Variants in LDLRAD3 observed in about 807,000 individuals in gnomAD.
LDLRAD3 encodes the protein low density lipoprotein receptor class A domain containing 3, also known as low-density lipoprotein receptor class A domain-containing protein 3.
LDLRAD3 carries 20 observed loss-of-function variants against 29.4 expected under a neutral mutation model. That is an observed-to-expected ratio of 0.68 (90% confidence interval 0.48 to 0.99). The LOEUF is 0.99. Among genes scored for constraint, LDLRAD3 ranks in the 50% least tolerant of loss-of-function variants. The probability of loss-of-function intolerance (pLI) is 0.00; values close to 1 mark genes in which losing one functional copy is unlikely to be tolerated. For missense variants in LDLRAD3, 420 were observed against 454.3 expected, an observed-to-expected ratio of 0.92 and a Z score of 0.69; for synonymous variants, 157 against 192.7, an observed-to-expected ratio of 0.81 and a Z score of 1.53.
chr11:36,102,959 C>A (rs923536453), intron 4 of LDLRAD3, among the ~76,000 whole-genome samples: 25 of 152,072 alleles, frequency 1.6e-4, no homozygotes, highest in African/African-American at 5.8e-4. Flanking sequence ...GATCTTAGAT[C>A]CCATTCTTTT....
At chr11:36,185,458 G>C (rs972517952) in intron 4 of LDLRAD3, among the ~76,000 whole-genome samples, 1 of 152,172 alleles carries the variant, frequency 6.6e-6, no homozygotes, top group Non-Finnish European at 1.5e-5. Context: ...TCCCTGTCAC[G>C]ATCACCATGT....
At chr11:36,107,625 A>G (rs1187512205) in intron 4 of LDLRAD3, among the ~76,000 whole-genome samples, 1 of 152,208 alleles carries the variant, frequency 6.6e-6, no homozygotes, top group Non-Finnish European at 1.5e-5. Context: ...TTAAATACAC[A>G]AATACTTGCC....
chr11:36,102,637 A>G (rs1853467262), intron 4 of LDLRAD3, among the ~76,000 whole-genome samples: 1 of 152,140 alleles, frequency 6.6e-6, no homozygotes, highest in Non-Finnish European at 1.5e-5. Flanking sequence ...TCTATATGAG[A>G]TGTATTAGAG....
At chr11:36,069,570 T>G (rs531096188) in intron 2 of LDLRAD3, among the ~76,000 whole-genome samples, 2 of 152,328 alleles carry the variant, frequency 1.3e-5, no homozygotes, top group African/African-American at 4.8e-5. Flanking sequence ...GCCCTTGTCA[T>G]TCTCACATCT....
At chr11:36,105,777 T>C (rs750779681) in intron 4 of LDLRAD3, among the ~76,000 whole-genome samples, 3 of 152,300 alleles carry the variant, frequency 2.0e-5, no homozygotes, top group Non-Finnish European at 2.9e-5. Flanking sequence ...ATTTTGATCT[T>C]GGACTTCTGG....
rs182419307 is a variant in LDLRAD3 at position 36,045,458 on chromosome 11, C to T, written c.193+9209C>T. Among the ~76,000 whole-genome samples the T allele has an allele frequency of 6.6e-5, 10 of 152,274 alleles. No homozygotes were observed. The East Asian group carries it at 1.7e-3, about 26-fold the overall frequency. On this transcript the variant is annotated intron_variant, in intron 2 of 5. Coordinates refer to ENST00000315571, the MANE Select transcript of LDLRAD3 (RefSeq NM_174902.4). ...AGATGTCTAAGGCAAGGTGTCGGCC[C>T]GGCCGTGGTTTCTCTGAAGGTTCTA...
chr11:36,065,679 C>T (rs1223830403), intron 2 of LDLRAD3, among the ~76,000 whole-genome samples: 1 of 152,246 alleles, frequency 6.6e-6, no homozygotes, highest in Non-Finnish European at 1.5e-5. Flanking sequence ...AGGAGCCTCC[C>T]TCCCTCTCTG....
At chr11:35,967,644 C>A in intron 1 of LDLRAD3, 2 of 475,734 alleles carry the variant, frequency 4.2e-6, no homozygotes, top group Admixed American at 2.3e-5. Flanking sequence ...CCAGAGGAGT[C>A]ACTTTGCATC....
chr11:36,210,525 G>A (rs1855269897), intron 4 of LDLRAD3, among the ~76,000 whole-genome samples: 1 of 151,706 alleles, frequency 6.6e-6, no homozygotes, highest in Non-Finnish European at 1.5e-5. Flanking sequence ...TCCACAGCCC[G>A]AGACCCTGTA....
chr11:36,190,322 C>T (rs555503021), intron 4 of LDLRAD3, among the ~76,000 whole-genome samples: 14 of 152,166 alleles, frequency 9.2e-5, no homozygotes, highest in South Asian at 4.2e-4. Context: ...TAGTGAGACC[C>T]CATCTTCACA....
chr11:36,172,171 A>G (rs989768099), intron 4 of LDLRAD3, among the ~76,000 whole-genome samples: 1 of 152,128 alleles, frequency 6.6e-6, no homozygotes, highest in Non-Finnish European at 1.5e-5. Context: ...GTGCACATTG[A>G]TTTTGTATCC....
intron 2 of LDLRAD3, among the ~76,000 whole-genome samples, chr11:36,076,902 T>G (rs1590247439): frequency 6.6e-6 from 1 of 152,316 alleles, no homozygotes; most frequent in East Asian, 1.9e-4. Context: ...CCTGAGTTAC[T>G]TAGGCTGGTT....
intron 4 of LDLRAD3, among the ~76,000 whole-genome samples, chr11:36,190,737 T>A (rs765507131): frequency 4.6e-5 from 7 of 152,166 alleles, no homozygotes; most frequent in East Asian, 1.9e-4. Flanking sequence ...ATGCTCAGAT[T>A]GGTGAATGAC....
intron 2 of LDLRAD3, among the ~76,000 whole-genome samples, chr11:36,050,055 G>A (rs1057431123): frequency 1.3e-5 from 2 of 152,146 alleles, no homozygotes; most frequent in Non-Finnish European, 2.9e-5. Flanking sequence ...CGAGAATTTT[G>A]TTTATTTGGA....
At chr11:36,064,311 A>T (rs1339211741) in intron 2 of LDLRAD3, among the ~76,000 whole-genome samples, 1 of 151,812 alleles carries the variant, frequency 6.6e-6, no homozygotes, top group African/African-American at 2.4e-5. Flanking sequence ...TTTTTTTTAA[A>T]AAATTTTTGA....
chr11:36,079,626 C>T lies in LDLRAD3; in HGVS notation c.194-2027C>T, dbSNP rs117166750. Among the ~76,000 whole-genome samples the T allele has an allele frequency of 5.5e-4, 83 of 152,090 alleles. 2 individuals are homozygous for T. In the East Asian group the frequency reaches 0.01, roughly 18 times the overall value. On this transcript the variant is annotated intron_variant, in intron 2 of 5. Transcript: ENST00000315571. ...AAAGGCAGATTTGTTAGCGAAAGTA[C>T]AAAAATATGTTGCATGGGTGCAAGA...
intron 2 of LDLRAD3, among the ~76,000 whole-genome samples, chr11:36,062,606 G>A (rs926660525): frequency 4.6e-5 from 7 of 152,208 alleles, no homozygotes; most frequent in Admixed American, 4.6e-4. Flanking sequence ...CGTCATGGGA[G>A]GGACCTGGTG....
At chr11:36,120,606 A>G (rs1853742329) in intron 4 of LDLRAD3, among the ~76,000 whole-genome samples, 3 of 152,310 alleles carry the variant, frequency 2.0e-5, no homozygotes, top group Middle Eastern at 6.8e-3. Context: ...TGAGACCCAG[A>G]GGCATTAGTT....
intron 1 of LDLRAD3, among the ~76,000 whole-genome samples, chr11:36,008,055 A>C (rs766313329): frequency 1.3e-5 from 2 of 152,150 alleles, no homozygotes; most frequent in Non-Finnish European, 2.9e-5. Context: ...GAAGGGAGCA[A>C]ATGAGTCTTT....
Sources: allele counts gnomAD v4.1 joint callset (sites outside exome capture counted in the v4.1 genomes callset), GRCh38; gene constraint gnomAD v4.1.1; transcripts MANE v1.5; gene names NCBI Gene and HGNC (gene_info 2026-07-23, HGNC 2026-07-21).